The following TM4SF19 variants were observed in gnomAD, a reference collection of about 807,000 sequenced individuals.
TM4SF19 encodes transmembrane 4 L six family member 19.
TM4SF19 carries 17 observed loss-of-function variants against 21.8 expected under a neutral mutation model. That is an observed-to-expected ratio of 0.78 (90% confidence interval 0.53 to 1.17). The LOEUF is 1.17. Ranked by LOEUF, TM4SF19 falls within the 50% of genes most tolerant of loss-of-function variation. The probability of loss-of-function intolerance (pLI) is 0.00; values close to 1 mark genes in which losing one functional copy is unlikely to be tolerated. For missense variants in TM4SF19, 216 were observed against 252.1 expected, an observed-to-expected ratio of 0.86 and a Z score of 0.97; for synonymous variants, 107 against 106.7, an observed-to-expected ratio of 1.00 and a Z score of -0.02.
chr3:196,330,044 G>A lies in TM4SF19; in HGVS notation c.-1-2453C>T, dbSNP rs557701503. The stretch of plus-strand genomic sequence containing the variant: ...GTGCCACCACGCCTGGCTAATTTTT[G>A]TATTTTTAGTAGAGACAGGGTTTCA... On this transcript the variant is annotated intron_variant, in intron 1 of 4. Coordinates refer to ENST00000273695, the MANE Select transcript of TM4SF19 (RefSeq NM_138461.4). 2.4e-3 allele frequency among the ~76,000 whole-genome samples: 357 copies of A among 151,834 alleles called. 2 individuals are homozygous for A. The highest frequency in any genetic ancestry group is 4.3e-3 in the Admixed American group (65 of 15,210).
chr3:196,336,551 CA>C (rs547019993), intron 1 of TM4SF19, among the ~76,000 whole-genome samples: 219 of 152,378 alleles, frequency 1.4e-3, no homozygotes, highest in South Asian at 0.011. Flanking sequence ...GCCAATCAAA[CA>C]CTAAAAGCAC....
At chr3:196,330,766 A>G (rs1727476088) in intron 1 of TM4SF19, among the ~76,000 whole-genome samples, 2 of 152,190 alleles carry the variant, frequency 1.3e-5, no homozygotes, top group Non-Finnish European at 2.9e-5. Context: ...CTGTGTCTAG[A>G]TTCTGGTGGT....
intron 1 of TM4SF19, among the ~76,000 whole-genome samples, chr3:196,331,425 C>T (rs762375496): frequency 6.6e-6 from 1 of 151,480 alleles, no homozygotes; most frequent in African/African-American, 2.4e-5. Context: ...TTCAGTTACA[C>T]GTCTGTCTCC....
chr3:196,327,106 T>C, intron 2 of TM4SF19, 74 bp from the exon 3 acceptor site: 1 of 1,256,012 alleles, frequency 8.0e-7, no homozygotes, highest in African/African-American at 1.5e-5. Flanking sequence ...CCCACAGCTG[T>C]TAGAGTGGCT....
chr3:196,329,784 G>C (rs1560203455), intron 1 of TM4SF19, among the ~76,000 whole-genome samples: 1 of 126,244 alleles, frequency 7.9e-6, no homozygotes, highest in Non-Finnish European at 1.7e-5. Flanking sequence ...AAAGTAGACT[G>C]GAGGTTATCA....
At chr3:196,336,868 T>C (rs374301931) in intron 1 of TM4SF19, among the ~76,000 whole-genome samples, 1 of 152,264 alleles carries the variant, frequency 6.6e-6, no homozygotes, top group South Asian at 2.1e-4. Flanking sequence ...TCTCTACATC[T>C]GTGTCTCTCC....
intron 1 of TM4SF19, among the ~76,000 whole-genome samples, chr3:196,328,257 G>T (rs1324171014): frequency 6.6e-6 from 1 of 151,334 alleles, no homozygotes; most frequent in African/African-American, 2.4e-5. Flanking sequence ...CTGAGATCAT[G>T]CCACTGCACT....
rs1258108890 is a variant in TM4SF19, at chr3:196,329,713, G to A, written c.-1-2122C>T. Reference sequence around the variant, plus strand: ...AAAAGAAATAAGCCAGACACTAAAGGACAAATATTGTATGATTCCACTTAT... The same window carrying A: ...AAAAGAAATAAGCCAGACACTAAAGAACAAATATTGTATGATTCCACTTAT... On this transcript the variant is annotated intron_variant, in intron 1 of 4. Coordinates refer to ENST00000273695, the MANE Select transcript of TM4SF19 (RefSeq NM_138461.4). Among the ~76,000 whole-genome samples, 4 of 123,748 alleles carry A rather than the reference G, an allele frequency of 3.2e-5. 1 individual carries two copies. The highest frequency in any genetic ancestry group is 1.1e-4 in the African/African-American group (4 of 37,004). 81.2% of individuals were successfully genotyped at this position (123,748 alleles called of 152,430 possible). A position where few individuals can be genotyped will look rare whatever the true frequency, so the allele number is the denominator to read the frequency against.
rs1727198917 is a variant in TM4SF19, at chr3:196,324,352, G to C, written c.368C>G (p.Pro123Arg). The change falls in exon 4 of 5, where the codon CCT (proline) becomes CGT (arginine). Residue 123 changes from proline to arginine, a missense_variant. Transcript: ENST00000273695. ...GGATGAAACATCAAACATGCAAAAA[G>C]GACCATCTTTCAGAGCAACTCCAGA... ...VTSGVALKDGPFCMFDVSSFN... is the reference protein window; with the variant it reads ...VTSGVALKDGRFCMFDVSSFN... 1 of 1,614,130 alleles carries C rather than the reference G, an allele frequency of 6.2e-7. No individual in the cohort carries two copies. The highest frequency in any genetic ancestry group is 1.1e-5 in the South Asian group (1 of 91,084).
At chr3:196,331,257 C>A (rs935546201) in intron 1 of TM4SF19, among the ~76,000 whole-genome samples, 1 of 150,548 alleles carries the variant, frequency 6.6e-6, no homozygotes, top group Non-Finnish European at 1.5e-5. Context: ...GCCCAGGAAA[C>A]AAGAGTGAAG....
At chr3:196,327,344 CG>C in intron 2 of TM4SF19, 45 bp downstream of exon 2, 2 of 1,578,670 alleles carry the variant, frequency 1.3e-6, no homozygotes, top group Admixed American at 1.7e-5. Flanking sequence ...TGCTCCCCGC[CG>C]GGGTCTCTTT....
chr3:196,327,005 A>G lies in TM4SF19; in HGVS notation c.229T>C (p.Leu77=), dbSNP rs1316056438. ...MVLTAAILIS[L]MGWRYGCFSK... is the part of the protein sequence containing the mutation. ...AAGCAGCCGTATCTCCAGCCCATCA[A>G]GGAGATGAGGATAGCTGCAGTGAGT... Residue 77 remains leucine, a synonymous_variant, in exon 3 of 5, where the codon TTG becomes CTG. Coordinates refer to ENST00000273695, the MANE Select transcript of TM4SF19 (RefSeq NM_138461.4). 2.5e-6 allele frequency: 4 copies of G among 1,611,472 alleles called. No homozygotes were observed. Among genetic ancestry groups the G allele is most frequent in the Admixed American group, 1.7e-5 (1 of 59,938 alleles).
intron 3 of TM4SF19, chr3:196,324,778 C>T (rs1243272331): frequency 1.3e-5 from 3 of 227,474 alleles, no homozygotes; most frequent in Non-Finnish European, 2.6e-5. Context: ...TTGCACATTA[C>T]AGCCATTCAG....
Position 196,324,013 on chromosome 3 carries a change from A to C in TM4SF19, c.450-16T>G. On this transcript the variant is annotated splice_polypyrimidine_tract_variant and intron_variant, in intron 4 of 4. Transcript: ENST00000273695. ...CAGATAATTCCTATCCCAAAAAATA[A>C]GGAGACCAGGGGTCAGGCGATAAGT... 6.2e-7 allele frequency: 1 copy of C among 1,613,116 alleles called. No homozygotes were observed. The highest frequency in any genetic ancestry group is 8.5e-7 in the Non-Finnish European group (1 of 1,179,554).
intron 1 of TM4SF19, among the ~76,000 whole-genome samples, chr3:196,334,155 C>A (rs1259467908): frequency 6.6e-6 from 1 of 152,180 alleles, no homozygotes; most frequent in Non-Finnish European, 1.5e-5. Context: ...TAAACACAAC[C>A]AATATCAAAC....
In TM4SF19 at chr3:196,325,973, C is replaced by CTTATTTAT. The variant is rs376447354; in HGVS notation, c.279+974_279+981dup. 3.9e-5 allele frequency among the ~76,000 whole-genome samples: 6 copies of CTTATTTAT among 152,140 alleles called. No homozygotes were observed. In the East Asian group the frequency reaches 1.2e-3, roughly 29 times the overall value. ...AAGTGTTTATTTATTTATCTATGTA[C>CTTATTTAT]TTATTTATTTATTTATTTTGAAACG... On this transcript the variant is annotated intron_variant, in intron 3 of 4. Coordinates refer to ENST00000273695, the MANE Select transcript of TM4SF19 (RefSeq NM_138461.4). The surrounding 1 kb of genome is among the most constrained non-coding windows in gnomAD (Gnocchi z 4.3).
At chr3:196,337,664 C>G (rs896970452) in intron 1 of TM4SF19, among the ~76,000 whole-genome samples, 4 of 152,210 alleles carry the variant, frequency 2.6e-5, no homozygotes, top group African/African-American at 9.6e-5. Context: ...CGGCCCCTCC[C>G]AAGTGCCTGT....
chr3:196,323,982 G>T lies in TM4SF19; in HGVS notation c.465C>A (p.Asp155Glu). 2.5e-6 allele frequency: 4 copies of T among 1,614,024 alleles called. No individual in the cohort carries two copies. The highest frequency in any genetic ancestry group is 3.4e-6 in the Non-Finnish European group (4 of 1,179,990). Residue 155 changes from aspartate (D) to glutamate (E), a missense_variant, in exon 5 of 5, where the codon GAC becomes GAA. Transcript: ENST00000273695. ...GGCAGACGGAGTTCCAGAGCGAACG[G>T]TCATACAGATAATTCCTATCCCAAA... ...KDLHSRNYLY[D>E]RSLWNSVCLE...
intron 3 of TM4SF19, 76 bp from the exon 4 acceptor site, chr3:196,324,516 G>T: frequency 6.5e-7 from 1 of 1,533,918 alleles, no homozygotes; most frequent in Non-Finnish European, 9.0e-7. Context: ...GAAACGCTGA[G>T]CTAAGACGGG....
Sources: gnomAD v4.1 joint callset for allele counts (sites outside exome capture counted in the v4.1 genomes callset) on GRCh38, gnomAD v4.1.1 for gene constraint, Gnocchi (gnomAD v3.1) non-coding constraint, MANE v1.5 for transcripts, NCBI Gene and HGNC (gene_info 2026-07-23, HGNC 2026-07-21) for gene names.